DHX32: variants seen among roughly 807,000 people sequenced by gnomAD.
The protein encoded by DHX32 is DEAH-box helicase 32 (putative), also known as putative pre-mRNA-splicing factor ATP-dependent RNA helicase DHX32.
Under a neutral mutation model 70.0 loss-of-function variants are expected in DHX32, and 51 were observed. The ratio of observed to expected loss-of-function variants is 0.73; its 90% CI spans 0.58 to 0.92. The LOEUF (loss-of-function observed/expected upper bound fraction) is 0.92, where lower values mean the gene tolerates loss of function less well. DHX32 is among the 40% of genes least tolerant of loss of function. DHX32 has a pLI of 0.00. For missense variants in DHX32, 762 were observed against 891.8 expected, an observed-to-expected ratio of 0.85 and a Z score of 1.85; for synonymous variants, 310 against 315.3, an observed-to-expected ratio of 0.98 and a Z score of 0.18.
intron 3 of DHX32, among the ~76,000 whole-genome samples, chr10:125,855,335 T>G (rs1316502098): frequency 6.6e-6 from 1 of 152,014 alleles, no homozygotes; most frequent in Non-Finnish European, 1.5e-5. Context: ...TCCTCCCAGA[T>G]GAGTCCATCA....
intron 3 of DHX32, among the ~76,000 whole-genome samples, chr10:125,856,979 A>G (rs1944152436): frequency 6.6e-6 from 1 of 152,224 alleles, no homozygotes; most frequent in South Asian, 2.1e-4. Flanking sequence ...CAAATTTTAA[A>G]TGACAATTAA....
chr10:125,889,466 A>C lies in DHX32; in HGVS notation c.-248+6752T>G, dbSNP rs11244688. On this transcript the variant is annotated intron_variant, in intron 1 of 2. Coordinates refer to the DHX32 transcript ENST00000415732. The stretch of plus-strand genomic sequence containing the variant: ...TGGAGAGCGGGATCACTGGTCCAAC[A>C]CTCCACGTCAACTCTGGTGCTGGTT... Among the ~76,000 whole-genome samples, 640 of 152,238 alleles carry C rather than the reference A, an allele frequency of 4.2e-3. 2 individuals carry two copies. Among genetic ancestry groups the C allele is most frequent in the Admixed American group, 7.5e-3 (114 of 15,300 alleles).
intron 6 of DHX32, among the ~76,000 whole-genome samples, chr10:125,847,106 C>T (rs1944031655): frequency 6.6e-6 from 1 of 152,120 alleles, no homozygotes; most frequent in Non-Finnish European, 1.5e-5. Context: ...GGAGACTCTA[C>T]ACATTTGCAT....
At chr10:125,862,223 A>T (rs1944194444) in intron 2 of DHX32, among the ~76,000 whole-genome samples, 1 of 152,186 alleles carries the variant, frequency 6.6e-6, no homozygotes, top group Non-Finnish European at 1.5e-5. Context: ...TTTTGGTGAT[A>T]AAAGTCCATG....
Position 125,880,546 on chromosome 10 carries a change from A to C in DHX32, c.279T>G (p.Ala93=). 1 of 1,597,808 alleles carries C rather than the reference A, an allele frequency of 6.3e-7. No homozygotes were observed. Among genetic ancestry groups the C allele is most frequent in the Non-Finnish European group, 8.5e-7 (1 of 1,170,454 alleles). The stretch of plus-strand genomic sequence containing the variant: ...ATTTTTTGTAGTGGTTACTCACCTG[A>C]GCGCTCTTACCACATTTAGCATCTC... ...VSGDAKCGKS[A]QVPQWCAEYC... The change falls in exon 1 of 11, where the codon GCT becomes GCG. Residue 93 remains alanine, a synonymous_variant. Coordinates refer to ENST00000284690, the MANE Select transcript of DHX32 (RefSeq NM_018180.3).
rs1012587322 is a variant in DHX32, at chr10:125,841,418, A to G, written c.1543+325T>C. Reference sequence around the variant, plus strand: ...ATAGGAAATAAAAAACAGGCACACAACATTATTTGGGGAAAAACACCTCTA... The same window carrying G: ...ATAGGAAATAAAAAACAGGCACACAGCATTATTTGGGGAAAAACACCTCTA... On this transcript the variant is annotated intron_variant, in intron 7 of 10. Coordinates refer to ENST00000284690, the MANE Select transcript of DHX32 (RefSeq NM_018180.3). The G allele has an allele frequency of 1.1e-5, 18 of 1,591,720 alleles. No individual in the cohort carries two copies. In the Admixed American group the frequency reaches 2.8e-4, roughly 25 times the overall value.
intron 1 of DHX32, 137 bp downstream of exon 1, chr10:125,880,406 T>C (rs1944310003): frequency 1.1e-6 from 1 of 903,232 alleles, no homozygotes; most frequent in Non-Finnish European, 1.6e-6. Context: ...AGGTACGTGA[T>C]TTAATTATTT....
In DHX32 at chr10:125,840,955, C is replaced by G. The variant is rs78840782; in HGVS notation, c.1585G>C (p.Ala529Pro). ...AATGTCTTCCAACAAGTCAAGGCAG[C>G]CTCTTCAGCTCCATGTGGCACATGT... ...FSHVPHGAEEAALTCWKTFLH... is the reference protein window; with the variant it reads ...FSHVPHGAEEPALTCWKTFLH... Residue 529 changes from alanine to proline, a missense_variant, in exon 8 of 11, where the codon GCT (alanine) becomes CCT (proline). By Grantham distance (27) the Ala-to-Pro change is conservative. Transcript: ENST00000284690. 7.8e-4 allele frequency: 1,251 copies of G among 1,611,884 alleles called. 12 individuals carry two copies. The African/African-American group carries it at 0.014, about 18-fold the overall frequency.
At chr10:125,836,962 C>T (rs1854710171) in intron 10 of DHX32, 107 bp from the exon 11 acceptor site, 1 of 935,174 alleles carries the variant, frequency 1.1e-6, no homozygotes, top group Non-Finnish European at 1.6e-6. Flanking sequence ...ACCTGTAGAA[C>T]CGGTATTTAA....
At chr10:125,863,128 T>C (rs1158911771) in intron 2 of DHX32, among the ~76,000 whole-genome samples, 2 of 151,604 alleles carry the variant, frequency 1.3e-5, no homozygotes, top group African/African-American at 4.8e-5. Flanking sequence ...TTAACCTTAA[T>C]GAAAATTTGA....
At chr10:125,875,617 A>C (rs958614112) in intron 1 of DHX32, among the ~76,000 whole-genome samples, 6 of 152,270 alleles carry the variant, frequency 3.9e-5, no homozygotes, top group African/African-American at 7.2e-5. Context: ...GAATTAGAAT[A>C]ATCATCTTTG....
chr10:125,883,256 T>C (rs1460551075), upstream of DHX32, among the ~76,000 whole-genome samples: 4 of 152,194 alleles, frequency 2.6e-5, no homozygotes, highest in Non-Finnish European at 4.4e-5. Flanking sequence ...TTCTCTGTTA[T>C]AGTGGAATTA....
Position 125,871,822 on chromosome 10 carries a change from T to C in DHX32, c.283-4639A>G, listed in dbSNP as rs569711878. On this transcript the variant is annotated intron_variant, in intron 1 of 10. Transcript: ENST00000284690. ...CATTTATAGTAAATATTGTATCTCTTGTTGGTATTGACCTTTCTTCCCCTA... is the reference window on the plus strand; with the variant it reads ...CATTTATAGTAAATATTGTATCTCTCGTTGGTATTGACCTTTCTTCCCCTA... 6.4e-4 allele frequency among the ~76,000 whole-genome samples: 98 copies of C among 152,200 alleles called. 1 individual carries two copies. The South Asian group carries it at 0.02, about 31-fold the overall frequency.
intron 3 of DHX32, among the ~76,000 whole-genome samples, chr10:125,855,319 A>G (rs553020077): frequency 6.6e-6 from 1 of 152,206 alleles, no homozygotes; most frequent in African/African-American, 2.4e-5. Context: ...GAGGACACGC[A>G]TTCATTCCTC....
chr10:125,894,768 T>G (rs1169415423), intron 1 of DHX32, among the ~76,000 whole-genome samples: 2 of 152,308 alleles, frequency 1.3e-5, no homozygotes, highest in Non-Finnish European at 2.9e-5. Context: ...AGGTGTTTTT[T>G]AAATCACTAT....
intron 2 of DHX32, among the ~76,000 whole-genome samples, chr10:125,861,548 G>A (rs1168397568): frequency 2.0e-5 from 3 of 152,170 alleles, no homozygotes; most frequent in East Asian, 1.9e-4. Flanking sequence ...TATGTTTTAC[G>A]CTGCACATGT....
At chr10:125,855,654 G>C (rs1161622992) in intron 3 of DHX32, among the ~76,000 whole-genome samples, 1 of 152,008 alleles carries the variant, frequency 6.6e-6, no homozygotes, top group East Asian at 1.9e-4. Context: ...GCTTCACCGT[G>C]TTAGCCAGGA....
Position 125,841,751 on chromosome 10 carries a change from A to G in DHX32, c.1535T>C (p.Met512Thr). 6.2e-7 allele frequency: 1 copy of G among 1,610,094 alleles called. No homozygotes were observed. The highest frequency in any genetic ancestry group is 1.1e-5 in the South Asian group (1 of 89,400). ...CVDEVLTIAAMVTAPNCFSHV... is the reference protein window; with the variant it reads ...CVDEVLTIAATVTAPNCFSHV... The stretch of plus-strand genomic sequence containing the variant: ...ATAGTCATTAAGGATACCTGTTACC[A>G]TGGCTGCGATTGTTAGCACTTCATC... Residue 512 changes from methionine to threonine, a missense_variant, in exon 7 of 11, where the codon ATG becomes ACG. By Grantham distance (81) the Met-to-Thr change is moderately conservative. This residue lies in a region of DHX32 where 366 missense variants were observed against 402.6 expected (regional missense o/e 0.91). Transcript: ENST00000284690.
intron 6 of DHX32, among the ~76,000 whole-genome samples, chr10:125,847,545 C>T (rs1944037358): frequency 6.6e-6 from 1 of 152,156 alleles, no homozygotes; most frequent in South Asian, 2.1e-4. Context: ...CAGAGGTCCC[C>T]AAACTTTTTG....
Sources: gnomAD v4.1 joint callset for allele counts (sites outside exome capture counted in the v4.1 genomes callset) on GRCh38, gnomAD v4.1.1 for gene constraint, gnomAD v4.1.1 regional missense constraint, MANE v1.5 for transcripts, NCBI Gene and HGNC (gene_info 2026-07-23, HGNC 2026-07-21) for gene names.